Variants in DYNC2I1 observed in about 807,000 individuals in gnomAD.
DYNC2I1 encodes dynein 2 intermediate chain 1.
A neutral mutation model predicts 133.4 loss-of-function variants in DYNC2I1; 89 were observed. That is an observed-to-expected ratio of 0.67 (90% confidence interval 0.56 to 0.80). The LOEUF is 0.80. DYNC2I1 is among the 30% of genes least tolerant of loss of function. DYNC2I1 has a pLI of 0.00. For missense variants in DYNC2I1, 1,291 were observed against 1,314.5 expected (o/e 0.98, Z 0.28); for synonymous variants, 504 against 484.3 (o/e 1.04, Z -0.54).
At chr7:158,909,814 AG>A (rs1847208609) in intron 11 of DYNC2I1, among the ~76,000 whole-genome samples, 1 of 152,196 alleles carries the variant, frequency 6.6e-6, no homozygotes, top group Admixed American at 6.5e-5. Flanking sequence ...ACGTTCGCAC[AG>A]GGTCGAGGGG....
upstream of DYNC2I1, among the ~76,000 whole-genome samples, chr7:158,854,141 A>G (rs1841115910): frequency 6.6e-6 from 1 of 152,080 alleles, no homozygotes; most frequent in Non-Finnish European, 1.5e-5. Context: ...AGACCAGATG[A>G]GCCAGTTTAT....
At chr7:158,870,188 T>C in intron 2 of DYNC2I1, among the ~76,000 whole-genome samples, 1 of 151,798 alleles carries the variant, frequency 6.6e-6, no homozygotes. Context: ...CAGCGGTGGG[T>C]GGGGAGAGGG....
chr7:158,891,107 G>T (rs1454772690), intron 7 of DYNC2I1, among the ~76,000 whole-genome samples, 158 bp from the exon 8 acceptor site: 1 of 152,240 alleles, frequency 6.6e-6, no homozygotes, highest in Non-Finnish European at 1.5e-5. Flanking sequence ...CAGCCACCAG[G>T]CTGGGACCTG....
chr7:158,926,177 T>G lies in DYNC2I1; in HGVS notation c.2258-10T>G, dbSNP rs765891531. 2.5e-6 allele frequency: 4 copies of G among 1,607,636 alleles called. No homozygotes were observed. The South Asian group carries it at 4.4e-5, about 18-fold the overall frequency. Reference sequence around the variant, plus strand: ...CTTACACGTGGATGCTGTGGGCTTTTGAACTCCAGATGGAATCCTTACCTC... The same window carrying G: ...CTTACACGTGGATGCTGTGGGCTTTGGAACTCCAGATGGAATCCTTACCTC... On this transcript the variant is annotated splice_polypyrimidine_tract_variant and intron_variant, in intron 17 of 24. Coordinates refer to ENST00000407559, the MANE Select transcript of DYNC2I1 (RefSeq NM_018051.5).
chr7:158,926,236 A>G lies in DYNC2I1; in HGVS notation c.2307A>G (p.Glu769=). Residue 769 remains glutamate, a synonymous_variant, in exon 18 of 25, where the codon GAA becomes GAG. Coordinates refer to ENST00000407559, the MANE Select transcript of DYNC2I1 (RefSeq NM_018051.5). ...VNHRSPLQAV[E]PISTSVHKKQ... ...ACCGAAGCCCTCTTCAAGCAGTAGAACCTATCTCAACGTCCGTCCACAAAA... is the reference window on the plus strand; with the variant it reads ...ACCGAAGCCCTCTTCAAGCAGTAGAGCCTATCTCAACGTCCGTCCACAAAA... 1.2e-6 allele frequency: 2 copies of G among 1,613,512 alleles called. No homozygotes were observed. Among genetic ancestry groups the G allele is most frequent in the Non-Finnish European group, 1.7e-6 (2 of 1,179,756 alleles).
At chr7:158,885,317 A>G (rs750125325) in intron 6 of DYNC2I1, among the ~76,000 whole-genome samples, 2 of 151,282 alleles carry the variant, frequency 1.3e-5, no homozygotes, top group African/African-American at 2.4e-5. Flanking sequence ...GGGTTTTGCA[A>G]TACATAATTG....
chr7:158,891,166 T>TG, intron 7 of DYNC2I1, 99 bp from the exon 8 acceptor site: 1 of 1,320,022 alleles, frequency 7.6e-7, no homozygotes, highest in Non-Finnish European at 1.1e-6. Context: ...TGCTGAGGGC[T>TG]GGCGGGCTCC....
chr7:158,856,756 TGCGGC>T lies in DYNC2I1; in HGVS notation c.15+9_15+13del, dbSNP rs1195969078. ...AAGCGATGGAGCCCGGGAAGGTCGG[TGCGGC>T]GCTGGGTCTGGGCGAGGGGTGGTCG... is the stretch of plus-strand genomic sequence containing the variant. On this transcript the variant is annotated splice_region_variant and intron_variant, in intron 1 of 24. Coordinates refer to ENST00000407559, the MANE Select transcript of DYNC2I1 (RefSeq NM_018051.5). 1 of 1,234,612 alleles carries T rather than the reference TGCGGC, an allele frequency of 8.1e-7. No individual in the cohort carries two copies. Among genetic ancestry groups the T allele is most frequent in the Non-Finnish European group, 1.0e-6 (1 of 986,922 alleles). 76.5% of individuals were successfully genotyped at this position (1,234,612 alleles called of 1,614,324 possible).
At chr7:158,915,858 GGAT>G (rs1848159564) in intron 14 of DYNC2I1, among the ~76,000 whole-genome samples, 2 of 150,198 alleles carry the variant, frequency 1.3e-5, no homozygotes, top group Admixed American at 1.3e-4. Context: ...TTGACATTAA[GGAT>G]GATTGTGAAA....
chr7:158,937,894 G>T (rs1029150721), intron 23 of DYNC2I1, among the ~76,000 whole-genome samples: 5 of 151,968 alleles, frequency 3.3e-5, no homozygotes, highest in African/African-American at 1.2e-4. Flanking sequence ...AGTGAATACT[G>T]TTTCTAAAAA....
At chr7:158,893,646 C>G (rs59915797) in intron 8 of DYNC2I1, among the ~76,000 whole-genome samples, 1 of 151,568 alleles carries the variant, frequency 6.6e-6, no homozygotes, top group Admixed American at 6.6e-5. Flanking sequence ...TACCACATAT[C>G]GTACTGCATG....
chr7:158,938,807 AAG>A (rs568399477), intron 23 of DYNC2I1, among the ~76,000 whole-genome samples: 121 of 152,268 alleles, frequency 7.9e-4, no homozygotes, highest in African/African-American at 2.6e-3. Context: ...TTCAACCTGA[AAG>A]AAAAAAAAAT....
chr7:158,892,010 A>C (rs1259940431), intron 8 of DYNC2I1, among the ~76,000 whole-genome samples: 1 of 151,748 alleles, frequency 6.6e-6, no homozygotes, highest in Non-Finnish European at 1.5e-5. Flanking sequence ...GGGCAGGTGA[A>C]CTCCTGGTGA....
chr7:158,871,084 A>C lies in DYNC2I1; in HGVS notation c.70-58A>C. 2.6e-6 allele frequency: 4 copies of C among 1,539,950 alleles called. No homozygotes were observed. In the South Asian group the frequency reaches 5.1e-5, roughly 20 times the overall value. ...TGTGCTTCTCACATTCAGGTATTAA[A>C]AGTCTAATGGAAATCTGCCTTCCTG... On this transcript the variant is annotated intron_variant, in intron 2 of 24. Coordinates refer to ENST00000407559, the MANE Select transcript of DYNC2I1 (RefSeq NM_018051.5).
intron 11 of DYNC2I1, 44 bp downstream of exon 11, chr7:158,906,135 C>A: frequency 6.6e-7 from 1 of 1,511,956 alleles, no homozygotes; most frequent in Non-Finnish European, 9.0e-7. Flanking sequence ...AGGGTTTTAG[C>A]TTAACTTTTC....
At chr7:158,941,114 A>G (rs917239773) in intron 23 of DYNC2I1, among the ~76,000 whole-genome samples, 4 of 152,126 alleles carry the variant, frequency 2.6e-5, no homozygotes, top group Non-Finnish European at 5.9e-5. Flanking sequence ...GACCCAAATA[A>G]AATAAAATCA....
At position 158,891,000 on chromosome 7, in the gene DYNC2I1, C is replaced by G. The variant is rs28367145; in HGVS notation, c.991-265C>G. 4.9e-3 allele frequency among the ~76,000 whole-genome samples: 746 copies of G among 152,366 alleles called. 10 individuals carry two copies. The highest frequency in any genetic ancestry group is 0.017 in the African/African-American group (706 of 41,576). ...TGTATCCTTTTATCCACTCCTCTCA[C>G]TGCTACTGTGAAGCAGATGCCATAA... is the stretch of plus-strand genomic sequence containing the variant. On this transcript the variant is annotated intron_variant, in intron 7 of 24. Transcript: ENST00000407559.
the DYNC2I1 span, among the ~76,000 whole-genome samples, chr7:158,846,521 A>G: frequency 1.3e-5 from 2 of 152,168 alleles, no homozygotes; most frequent in Non-Finnish European, 2.9e-5. Context: ...AAAAAAAGGA[A>G]TTTTTTAAAG....
downstream of DYNC2I1, among the ~76,000 whole-genome samples, chr7:158,957,760 A>G (rs1207416454): frequency 6.6e-6 from 1 of 152,146 alleles, no homozygotes; most frequent in Non-Finnish European, 1.5e-5. Flanking sequence ...CGTGAGGTCC[A>G]CCGCCAACTC....
Sources: allele counts gnomAD v4.1 joint callset (sites outside exome capture counted in the v4.1 genomes callset), GRCh38; gene constraint gnomAD v4.1.1; transcripts MANE v1.5; gene names NCBI Gene and HGNC (gene_info 2026-07-23, HGNC 2026-07-21).